The following CNTN5 variants were observed in gnomAD, a reference collection of about 807,000 sequenced individuals.
The protein encoded by CNTN5 is contactin-5.
In CNTN5, 77 loss-of-function variants were observed where a neutral mutation model predicts 129.1. That is an observed-to-expected ratio of 0.60 (90% CI 0.50 to 0.72). CNTN5 has a LOEUF of 0.72. Among genes scored for constraint, CNTN5 ranks in the 30% least tolerant of loss-of-function variants. The pLI, the probability that CNTN5 is intolerant of heterozygous loss-of-function variation, is 0.00. For missense variants in CNTN5, 1,478 were observed against 1,328.8 expected, an observed-to-expected ratio of 1.11 and a Z score of -1.75; for synonymous variants, 509 against 465.6, an observed-to-expected ratio of 1.09 and a Z score of -1.20.
At chr11:100,248,972 T>C (rs1376642935) in intron 16 of CNTN5, among the ~76,000 whole-genome samples, 2 of 152,212 alleles carry the variant, frequency 1.3e-5, no homozygotes, top group African/African-American at 4.8e-5. Flanking sequence ...CTTGCTTCAA[T>C]GATTTTACCT....
In CNTN5 at chr11:99,249,581, A is replaced by G. The variant is rs144023079; in HGVS notation, c.-209-75765A>G. 3.2e-3 allele frequency among the ~76,000 whole-genome samples: 481 copies of G among 152,174 alleles called. 2 individuals are homozygous for G. The highest frequency in any genetic ancestry group is 0.011 in the African/African-American group (472 of 41,560). On this transcript the variant is annotated intron_variant, in intron 1 of 24. Coordinates refer to ENST00000524871, the MANE Select transcript of CNTN5 (RefSeq NM_014361.4). ...TACAGTAGATTATTGAGCACAAACT[A>G]TATACCGGACATATTCTAGGTTTTT...
At chr11:100,044,570 G>C (rs185307614) in intron 9 of CNTN5, among the ~76,000 whole-genome samples, 3 of 150,976 alleles carry the variant, frequency 2.0e-5, no homozygotes, top group Non-Finnish European at 4.4e-5. Context: ...GCATTGATCT[G>C]ATGCCTAGTG....
chr11:99,740,136 G>A (rs975666089), intron 3 of CNTN5, among the ~76,000 whole-genome samples: 1 of 152,052 alleles, frequency 6.6e-6, no homozygotes, highest in Non-Finnish European at 1.5e-5. Context: ...AAGCAAAAGT[G>A]TTTTTCAAAT....
intron 1 of CNTN5, among the ~76,000 whole-genome samples, chr11:99,085,343 C>A (rs927027927): frequency 6.6e-6 from 1 of 152,092 alleles, no homozygotes; most frequent in African/African-American, 2.4e-5. Flanking sequence ...CCGTGCCCGG[C>A]CTAGTAACCA....
chr11:100,264,221 T>G (rs1447207251), intron 17 of CNTN5, among the ~76,000 whole-genome samples: 1 of 152,120 alleles, frequency 6.6e-6, no homozygotes, highest in Non-Finnish European at 1.5e-5. Context: ...CTAGAAATAT[T>G]TTTAAATTTT....
At chr11:99,482,152 T>C (rs1053898522) in intron 2 of CNTN5, among the ~76,000 whole-genome samples, 4 of 152,174 alleles carry the variant, frequency 2.6e-5, no homozygotes, top group Non-Finnish European at 5.9e-5. Flanking sequence ...ACTGAACATA[T>C]GAATTAGTAC....
At chr11:99,310,371 A>AAATC in intron 1 of CNTN5, among the ~76,000 whole-genome samples, 1 of 152,202 alleles carries the variant, frequency 6.6e-6, no homozygotes. Context: ...CATTTATAAT[A>AAATC]GTATTATTTA....
intron 3 of CNTN5, among the ~76,000 whole-genome samples, chr11:99,814,759 A>C (rs1055478473): frequency 6.6e-6 from 1 of 152,182 alleles, no homozygotes; most frequent in African/African-American, 2.4e-5. Flanking sequence ...TTGAGATGCC[A>C]AACAGAAAGA....
chr11:100,347,839 G>A (rs542084764), intron 23 of CNTN5, among the ~76,000 whole-genome samples: 3 of 152,106 alleles, frequency 2.0e-5, no homozygotes, highest in Non-Finnish European at 2.9e-5. Context: ...AGAGGAATAG[G>A]CCTTTCCTTT....
chr11:100,337,438 A>C, intron 21 of CNTN5: 2 of 752,512 alleles, frequency 2.7e-6, no homozygotes, highest in Admixed American at 1.7e-5. Flanking sequence ...CCTGTGGCCC[A>C]AAATCAGGTG....
intron 13 of CNTN5, among the ~76,000 whole-genome samples, chr11:100,137,779 T>C (rs1332344947): frequency 6.6e-6 from 1 of 152,030 alleles, no homozygotes; most frequent in East Asian, 1.9e-4. Context: ...TGAAATACAT[T>C]ATAAAAAGTA....
chr11:100,103,143 T>A lies in CNTN5; in HGVS notation c.1580+28849T>A, dbSNP rs369051072. ...AGGCTGTACAATATTTTCATCCACA[T>A]TTTAAAAGTGAAATATTTTAAATGT... On this transcript the variant is annotated intron_variant, in intron 13 of 24. Transcript: ENST00000524871. 3.3e-5 allele frequency among the ~76,000 whole-genome samples: 5 copies of A among 152,320 alleles called. No individual in the cohort carries two copies. The East Asian group carries it at 5.8e-4, about 18-fold the overall frequency.
At chr11:100,011,315 T>A (rs1940519148) in intron 9 of CNTN5, among the ~76,000 whole-genome samples, 1 of 152,152 alleles carries the variant, frequency 6.6e-6, no homozygotes, top group Non-Finnish European at 1.5e-5. Context: ...GATGCTTAAA[T>A]GACCCAATAC....
chr11:99,652,183 C>T (rs1295701242), intron 3 of CNTN5, among the ~76,000 whole-genome samples: 1 of 152,030 alleles, frequency 6.6e-6, no homozygotes, highest in Non-Finnish European at 1.5e-5. Flanking sequence ...GAGGTTAAGA[C>T]TGAAGTCTTC....
intron 3 of CNTN5, among the ~76,000 whole-genome samples, chr11:99,632,275 A>C (rs1951386941): frequency 6.6e-6 from 1 of 152,134 alleles, no homozygotes; most frequent in African/African-American, 2.4e-5. Context: ...ATATACTGTA[A>C]ATGTTCATAG....
chr11:99,356,887 T>G (rs575210264), intron 2 of CNTN5, among the ~76,000 whole-genome samples: 2 of 152,330 alleles, frequency 1.3e-5, no homozygotes, highest in Admixed American at 1.3e-4. Flanking sequence ...TTTTAAAGAT[T>G]ATCTTACCTT....
At chr11:99,406,531 A>G (rs991683036) in intron 2 of CNTN5, among the ~76,000 whole-genome samples, 8 of 152,068 alleles carry the variant, frequency 5.3e-5, no homozygotes, top group Admixed American at 2.6e-4. Flanking sequence ...GTCTCACCCA[A>G]GGCTTGCTGC....
At chr11:99,081,724 C>T (rs915755902) in intron 1 of CNTN5, among the ~76,000 whole-genome samples, 1 of 152,072 alleles carries the variant, frequency 6.6e-6, no homozygotes, top group African/African-American at 2.4e-5. Flanking sequence ...GTCTTAAGAA[C>T]AAGAGTAATA....
intron 4 of CNTN5, among the ~76,000 whole-genome samples, chr11:99,835,175 T>C (rs896999439): frequency 7.2e-5 from 11 of 152,168 alleles, no homozygotes; most frequent in Middle Eastern, 3.2e-3. Context: ...CTACCTAAAA[T>C]TGGTTCAGAT....
Sources: allele counts gnomAD v4.1 joint callset (sites outside exome capture counted in the v4.1 genomes callset), GRCh38; gene constraint gnomAD v4.1.1; transcripts MANE v1.5; gene names NCBI Gene and HGNC (gene_info 2026-07-23, HGNC 2026-07-21).